Variants in AP2A2 observed in about 807,000 individuals in gnomAD.
AP2A2 encodes the protein adaptor related protein complex 2 subunit alpha 2, also known as AP-2 complex subunit alpha-2.
A neutral mutation model predicts 104.2 loss-of-function variants in AP2A2; 32 were observed. The ratio of observed to expected loss-of-function variants is 0.31; its 90% CI spans 0.23 to 0.41. The LOEUF (loss-of-function observed/expected upper bound fraction) is 0.41. Among genes scored for constraint, AP2A2 ranks in the 10% least tolerant of loss-of-function variants. AP2A2 has a pLI of 1.00. For missense variants in AP2A2, 912 were observed against 1,261.0 expected (o/e 0.72, Z 4.19); for synonymous variants, 539 against 533.3 (o/e 1.01, Z -0.15).
intron 2 of AP2A2, among the ~76,000 whole-genome samples, chr11:966,125 C>T (rs554362547): frequency 1.3e-5 from 2 of 152,318 alleles, no homozygotes; most frequent in East Asian, 3.9e-4. Context: ...GGATTACAGG[C>T]GTAAGCCACT....
At chr11:926,848 CGTTAA>C (rs1376513423) in intron 1 of AP2A2, among the ~76,000 whole-genome samples, 1 of 152,102 alleles carries the variant, frequency 6.6e-6, no homozygotes, top group Non-Finnish European at 1.5e-5. Flanking sequence ...CACACCAAAC[CGTTAA>C]ACAAGCCAGG....
At chr11:938,515 C>T (rs1331133991) in intron 1 of AP2A2, among the ~76,000 whole-genome samples, 2 of 151,432 alleles carry the variant, frequency 1.3e-5, no homozygotes, top group Non-Finnish European at 2.9e-5. Flanking sequence ...CACTCTGTCC[C>T]CCAGGCTGGA....
intron 4 of AP2A2, among the ~76,000 whole-genome samples, chr11:974,063 G>T (rs1234931216): frequency 6.6e-6 from 1 of 152,220 alleles, no homozygotes; most frequent in Non-Finnish European, 1.5e-5. Flanking sequence ...GGTGAGGAGG[G>T]GTCTCCAGGG....
At chr11:988,821 C>T in intron 10 of AP2A2, 132 bp downstream of exon 10, 4 of 1,186,206 alleles carry the variant, frequency 3.4e-6, no homozygotes, top group Non-Finnish European at 4.8e-6. Context: ...TACAAGGCTC[C>T]TCTGCCTCTG....
chr11:1,008,874 C>CA (rs1856302033), intron 18 of AP2A2: 1 of 568,130 alleles, frequency 1.8e-6, no homozygotes, highest in South Asian at 2.4e-5. Flanking sequence ...AAGTGAGGCA[C>CA]AGGGACGTCC....
At chr11:964,068 C>CA (rs1854532802) in intron 2 of AP2A2, among the ~76,000 whole-genome samples, 2 of 152,174 alleles carry the variant, frequency 1.3e-5, no homozygotes, top group Admixed American at 6.5e-5. Context: ...GGATGATAGT[C>CA]AAAGACTGGA....
chr11:1,006,153 T>C (rs1209149392), intron 16 of AP2A2, among the ~76,000 whole-genome samples: 1 of 152,186 alleles, frequency 6.6e-6, no homozygotes, highest in Non-Finnish European at 1.5e-5. Context: ...GATTGTGGCG[T>C]CCCTGGAAAA....
At chr11:983,920 C>G (rs1360160126) in intron 6 of AP2A2, among the ~76,000 whole-genome samples, 1 of 152,258 alleles carries the variant, frequency 6.6e-6, no homozygotes, top group East Asian at 1.9e-4. Context: ...AGCTTGCCTC[C>G]TTGCAGCAGG....
Position 985,437 on chromosome 11 carries a change from C to A in AP2A2, c.817C>A (p.Pro273Thr), listed in dbSNP as rs764405117. The A allele has an allele frequency of 1.9e-6, 3 of 1,613,526 alleles. No individual in the cohort carries two copies. The African/African-American group carries it at 4.0e-5, about 22-fold the overall frequency. Residue 273 changes from proline to threonine, a missense_variant and splice_region_variant, in exon 8 of 22, where the codon CCT becomes ACT. Pro to Thr is a conservative substitution (Grantham distance 38). Transcript: ENST00000448903. ...CACCGTTCTGTCTTGCCCAGAAGAC[C>A]CTGCAGTGCGAGGCCGCCTGACTGA... is the stretch of plus-strand genomic sequence containing the variant. ...RLLQCYPPPD[P>T]AVRGRLTECL...
At chr11:999,156 G>A (rs774026368) in intron 14 of AP2A2, among the ~76,000 whole-genome samples, 17 of 152,328 alleles carry the variant, frequency 1.1e-4, no homozygotes, top group Admixed American at 6.5e-4. Context: ...GATGGACTGA[G>A]CTGCTGCTTG....
At position 992,829 on chromosome 11, in the gene AP2A2, C is replaced by A; in HGVS notation, c.1452+144C>A. On this transcript the variant is annotated intron_variant, in intron 11 of 21. Coordinates refer to ENST00000448903, the MANE Select transcript of AP2A2 (RefSeq NM_012305.4). The surrounding 1 kb of genome is among the most constrained non-coding windows in gnomAD (Gnocchi z 6.4). ...CCTCAGCTCTTCCCTGAGGCTCTAG[C>A]TCCTCCACTGTTGGTGCCCCTTGCT... The A allele has an allele frequency of 1.2e-6, 1 of 835,790 alleles. No individual in the cohort carries two copies. Among genetic ancestry groups the A allele is most frequent in the Admixed American group, 2.1e-5 (1 of 46,560 alleles). The allele number at this position is 835,790 out of a possible 1,614,324, so 51.8% of individuals were successfully genotyped here.
chr11:1,003,301 G>A (rs1856085838), intron 15 of AP2A2, among the ~76,000 whole-genome samples: 1 of 152,230 alleles, frequency 6.6e-6, no homozygotes, highest in Non-Finnish European at 1.5e-5. Context: ...GTGCATGCGT[G>A]TGCATCAGCG....
Position 989,357 on chromosome 11 carries a change from C to T in AP2A2, c.1269+668C>T, listed in dbSNP as rs142111158. On this transcript the variant is annotated intron_variant, in intron 10 of 21. Transcript: ENST00000448903. ...TCAAAAAAAAAAAAACTAAAATGCCCGTCCTGCGCGGCTTCTGTGGCCTGC... is the reference window on the plus strand; with the variant it reads ...TCAAAAAAAAAAAAACTAAAATGCCTGTCCTGCGCGGCTTCTGTGGCCTGC... Among the ~76,000 whole-genome samples the T allele has an allele frequency of 3.9e-3, 599 of 152,212 alleles. 9 individuals carry two copies. The highest frequency in any genetic ancestry group is 0.013 in the African/African-American group (526 of 41,538).
At chr11:927,694 C>G (rs950458797) in intron 1 of AP2A2, among the ~76,000 whole-genome samples, 1 of 151,318 alleles carries the variant, frequency 6.6e-6, no homozygotes, top group Non-Finnish European at 1.5e-5. Context: ...GTGTACACAT[C>G]TATAGTCCCA....
intron 15 of AP2A2, among the ~76,000 whole-genome samples, chr11:1,002,265 C>T (rs930388119): frequency 3.3e-5 from 5 of 152,228 alleles, no homozygotes; most frequent in Non-Finnish European, 5.9e-5. Flanking sequence ...TGGCTGTGGG[C>T]GGAGCAGCGA....
At chr11:976,062 G>A (rs1486052624) in intron 4 of AP2A2, among the ~76,000 whole-genome samples, 4 of 152,202 alleles carry the variant, frequency 2.6e-5, no homozygotes. Context: ...CCCAGTCATG[G>A]GGTCCTGAAG....
At chr11:943,590 C>T (rs1853728442) in intron 1 of AP2A2, among the ~76,000 whole-genome samples, 1 of 152,206 alleles carries the variant, frequency 6.6e-6, no homozygotes, top group Non-Finnish European at 1.5e-5. Flanking sequence ...ATGCCAGCTT[C>T]TCTGTGGAAA....
intron 5 of AP2A2, among the ~76,000 whole-genome samples, chr11:979,034 G>A (rs1339269690): frequency 6.6e-6 from 1 of 152,038 alleles, no homozygotes; most frequent in Non-Finnish European, 1.5e-5. Flanking sequence ...AGAAGGGTTG[G>A]GGGGCTGGGC....
At chr11:926,459 C>T (rs1853125010) in intron 1 of AP2A2, among the ~76,000 whole-genome samples, 1 of 152,092 alleles carries the variant, frequency 6.6e-6, no homozygotes, top group Admixed American at 6.5e-5. Context: ...CATCTCCACT[C>T]CCGTTTGCTG....
Sources: allele counts gnomAD v4.1 joint callset (sites outside exome capture counted in the v4.1 genomes callset), GRCh38; gene constraint gnomAD v4.1.1; non-coding constraint Gnocchi (gnomAD v3.1); transcripts MANE v1.5; gene names NCBI Gene and HGNC (gene_info 2026-07-23, HGNC 2026-07-21).